Variants in KLHL32 observed in about 807,000 individuals in gnomAD.
KLHL32 encodes kelch like family member 32.
In KLHL32, 35 loss-of-function variants were observed where a neutral mutation model predicts 64.8. The observed-to-expected ratio is 0.54, with a 90% CI of 0.41 to 0.72. The LOEUF (loss-of-function observed/expected upper bound fraction) is 0.72. Among genes scored for constraint, KLHL32 ranks in the 30% least tolerant of loss-of-function variants. KLHL32 has a pLI of 0.00. For missense variants in KLHL32, 589 were observed against 768.5 expected (o/e 0.77, Z 2.76); for synonymous variants, 259 against 281.0 (o/e 0.92, Z 0.78).
At chr6:97,133,322 T>C (rs1403372729) in intron 10 of KLHL32, among the ~76,000 whole-genome samples, 2 of 152,216 alleles carry the variant, frequency 1.3e-5, no homozygotes, top group East Asian at 3.8e-4. Flanking sequence ...ATAGCCCTCA[T>C]TGATAGACAC....
At chr6:97,049,967 G>A (rs1040780416) in intron 4 of KLHL32, among the ~76,000 whole-genome samples, 1 of 152,102 alleles carries the variant, frequency 6.6e-6, no homozygotes, top group African/African-American at 2.4e-5. Flanking sequence ...GTAGGGCAGG[G>A]CCAATTCTAA....
intron 6 of KLHL32, among the ~76,000 whole-genome samples, chr6:97,088,858 T>C (rs1282900218): frequency 6.6e-6 from 1 of 152,268 alleles, no homozygotes; most frequent in Admixed American, 6.5e-5. Flanking sequence ...TAGGAAGTGC[T>C]GAGTAAGCTC....
chr6:96,965,497 T>G (rs1210028647), intron 1 of KLHL32, among the ~76,000 whole-genome samples: 2 of 152,360 alleles, frequency 1.3e-5, no homozygotes, highest in East Asian at 3.9e-4. Context: ...ATTTTAACTT[T>G]AGGATTTTTG....
chr6:96,915,008 T>C, the KLHL32 span: 3 of 152,134 alleles, frequency 2.0e-5, no homozygotes, highest in African/African-American at 7.2e-5. Context: ...TCCTGGACAA[T>C]TTCAATGACC....
chr6:96,993,268 G>C (rs1778088414), intron 3 of KLHL32, among the ~76,000 whole-genome samples: 1 of 152,202 alleles, frequency 6.6e-6, no homozygotes, highest in Non-Finnish European at 1.5e-5. Flanking sequence ...ATTTGCTTTT[G>C]CATCAGTGGT....
rs191648695 is a variant in KLHL32 at position 97,034,350 on chromosome 6, A to G, written c.205-7142A>G. Among the ~76,000 whole-genome samples the G allele has an allele frequency of 3.7e-3, 556 of 151,648 alleles. 3 individuals are homozygous for G. The highest frequency in any genetic ancestry group is 0.013 in the African/African-American group (526 of 41,436). ...ATAGATGCATGGATTTATTTCTGGG[A>G]TATTCTGTTTGTTGGTCTATATATC... On this transcript the variant is annotated intron_variant, in intron 3 of 10. Coordinates refer to ENST00000369261, the MANE Select transcript of KLHL32 (RefSeq NM_052904.4).
intron 5 of KLHL32, among the ~76,000 whole-genome samples, chr6:97,083,860 T>G (rs1407923154): frequency 6.6e-6 from 1 of 152,196 alleles, no homozygotes; most frequent in Non-Finnish European, 1.5e-5. Flanking sequence ...ATCACGTTAA[T>G]GGAAAATTTA....
chr6:96,920,212 A>G (rs1427046748), upstream of KLHL32, among the ~76,000 whole-genome samples: 1 of 152,206 alleles, frequency 6.6e-6, no homozygotes, highest in Non-Finnish European at 1.5e-5. Context: ...CTTGGAGAGC[A>G]GAGTTGGCAT....
intron 2 of KLHL32, among the ~76,000 whole-genome samples, chr6:96,968,913 G>T (rs963696979): frequency 1.3e-5 from 2 of 152,146 alleles, no homozygotes; most frequent in East Asian, 3.9e-4. Flanking sequence ...GCATGGTTTT[G>T]CTTCTAGACC....
chr6:96,981,811 C>G (rs563163746), intron 3 of KLHL32, among the ~76,000 whole-genome samples: 1 of 151,890 alleles, frequency 6.6e-6, no homozygotes, highest in African/African-American at 2.4e-5. Flanking sequence ...ATTGTTTACC[C>G]GAAAATCATT....
At chr6:97,103,230 T>G (rs1309728794) in intron 6 of KLHL32, among the ~76,000 whole-genome samples, 1 of 149,980 alleles carries the variant, frequency 6.7e-6, no homozygotes, top group Non-Finnish European at 1.5e-5. Flanking sequence ...TTTTTTTTTT[T>G]TGAGACGGCG....
At chr6:97,036,914 T>C (rs745800678) in intron 3 of KLHL32, among the ~76,000 whole-genome samples, 4 of 152,240 alleles carry the variant, frequency 2.6e-5, no homozygotes, top group Non-Finnish European at 4.4e-5. Flanking sequence ...CTCCTGCTCT[T>C]TTCCCCTATG....
At chr6:97,057,550 C>T (rs540782030) in intron 4 of KLHL32, among the ~76,000 whole-genome samples, 17 of 122,994 alleles carry the variant, frequency 1.4e-4, no homozygotes, top group Non-Finnish European at 2.0e-4. Context: ...ATCTTTTACA[C>T]CCCCCTCCCG....
the KLHL32 span, among the ~76,000 whole-genome samples, chr6:96,908,441 G>A: frequency 1.3e-5 from 2 of 152,284 alleles, no homozygotes; most frequent in East Asian, 1.9e-4. Flanking sequence ...TCACATGAAT[G>A]TTATTAACAG....
At chr6:97,024,814 A>AT (rs1299125373) in intron 3 of KLHL32, among the ~76,000 whole-genome samples, 1 of 152,150 alleles carries the variant, frequency 6.6e-6, no homozygotes, top group African/African-American at 2.4e-5. Context: ...AATAGCTAAC[A>AT]TTTTTTATCA....
intron 6 of KLHL32, among the ~76,000 whole-genome samples, chr6:97,112,115 G>A (rs2128208554): frequency 6.6e-6 from 1 of 152,294 alleles, no homozygotes; most frequent in Non-Finnish European, 1.5e-5. Context: ...ACTTTGGGCT[G>A]CGGTGCCAGG....
intron 3 of KLHL32, among the ~76,000 whole-genome samples, chr6:97,013,790 G>C (rs1160645950): frequency 3.3e-5 from 5 of 152,172 alleles, no homozygotes; most frequent in Non-Finnish European, 7.3e-5. Flanking sequence ...AGAAAACAGC[G>C]TATTATGGGA....
chr6:97,025,198 C>A, intron 3 of KLHL32: 1 of 852,492 alleles, frequency 1.2e-6, no homozygotes, highest in Non-Finnish European at 1.4e-6. Context: ...TTCTGTTTAT[C>A]GTCTTTGTAA....
upstream of KLHL32, among the ~76,000 whole-genome samples, chr6:96,921,343 A>C (rs1768749818): frequency 1.3e-5 from 2 of 152,226 alleles, no homozygotes; most frequent in Non-Finnish European, 2.9e-5. Flanking sequence ...AAATAGTTTA[A>C]CAGTAAAAAG....
Sources: gnomAD v4.1 joint callset for allele counts (sites outside exome capture counted in the v4.1 genomes callset) on GRCh38, gnomAD v4.1.1 for gene constraint, MANE v1.5 for transcripts, NCBI Gene and HGNC (gene_info 2026-07-23, HGNC 2026-07-21) for gene names.